ME3: variants seen among roughly 807,000 people sequenced by gnomAD.
The protein encoded by ME3 is NADP-dependent malic enzyme, mitochondrial.
A neutral mutation model predicts 68.9 loss-of-function variants in ME3; 48 were observed. That is an observed-to-expected ratio of 0.70 (90% CI 0.55 to 0.89). ME3 has a LOEUF of 0.89. ME3 is among the 40% of genes least tolerant of loss of function. ME3 has a pLI of 0.00. For missense variants in ME3, 675 were observed against 797.4 expected (o/e 0.85, Z 1.85); for synonymous variants, 320 against 318.8 (o/e 1.00, Z -0.04).
intron 2 of ME3, among the ~76,000 whole-genome samples, chr11:86,661,093 T>C (rs539805): frequency 0.19 from 29,558 of 152,178 alleles, 3,004 homozygotes; most frequent in African/African-American, 0.25. Context: ...CAGGAAGGCA[T>C]TGCATGCTGG....
At chr11:86,485,185 G>C (rs1399406080) in intron 7 of ME3, among the ~76,000 whole-genome samples, 1 of 152,104 alleles carries the variant, frequency 6.6e-6, no homozygotes, top group Non-Finnish European at 1.5e-5. Flanking sequence ...ATACAAACAA[G>C]TCCAATTCTC....
intron 2 of ME3, among the ~76,000 whole-genome samples, chr11:86,655,794 C>G (rs11234730): frequency 0.45 from 67,704 of 151,096 alleles, 17,142 homozygotes; most frequent in Non-Finnish European, 0.58. Context: ...AAGAAACTAC[C>G]ATCAGAGTGA....
intron 2 of ME3, among the ~76,000 whole-genome samples, chr11:86,560,766 A>G (rs1038313393): frequency 1.4e-5 from 2 of 140,504 alleles, no homozygotes; most frequent in East Asian, 2.3e-4. Context: ...ATATATATAT[A>G]TATATATTTC....
chr11:86,587,427 T>C (rs1213868863), intron 2 of ME3, among the ~76,000 whole-genome samples: 1 of 152,188 alleles, frequency 6.6e-6, no homozygotes, highest in Non-Finnish European at 1.5e-5. Flanking sequence ...CAAGATGTGA[T>C]TGTCACTGTT....
chr11:86,638,457 C>G (rs769519466), intron 2 of ME3, among the ~76,000 whole-genome samples: 1 of 152,090 alleles, frequency 6.6e-6, no homozygotes, highest in Non-Finnish European at 1.5e-5. Context: ...CCACAGCACA[C>G]AAATAAATAA....
intron 5 of ME3, among the ~76,000 whole-genome samples, chr11:86,505,619 C>G (rs1372780579): frequency 6.6e-6 from 1 of 152,196 alleles, no homozygotes; most frequent in Admixed American, 6.5e-5. Flanking sequence ...GCTACAGCTG[C>G]CTCCACCACC....
At chr11:86,517,544 T>C (rs544530364) in intron 4 of ME3, among the ~76,000 whole-genome samples, 1 of 152,236 alleles carries the variant, frequency 6.6e-6, no homozygotes, top group African/African-American at 2.4e-5. Flanking sequence ...CCTGTCGACA[T>C]GTTGGAGCTC....
At chr11:86,474,190 C>T (rs977949580) in intron 7 of ME3, among the ~76,000 whole-genome samples, 2 of 152,114 alleles carry the variant, frequency 1.3e-5, no homozygotes, top group African/African-American at 4.8e-5. Context: ...CTGGCAGGCT[C>T]CTGAGACTGG....
chr11:86,456,860 G>C (rs947202658), intron 8 of ME3, among the ~76,000 whole-genome samples: 1 of 152,180 alleles, frequency 6.6e-6, no homozygotes, highest in African/African-American at 2.4e-5. Flanking sequence ...CACAGGATTT[G>C]CTCAATTAAT....
chr11:86,592,605 T>C (rs906340955), intron 2 of ME3, among the ~76,000 whole-genome samples: 29 of 152,156 alleles, frequency 1.9e-4, no homozygotes, highest in African/African-American at 6.8e-4. Context: ...AAGGTTTTCA[T>C]AGACAATTGC....
chr11:86,611,816 T>C (rs1425146700), intron 2 of ME3, among the ~76,000 whole-genome samples: 1 of 152,148 alleles, frequency 6.6e-6, no homozygotes, highest in Non-Finnish European at 1.5e-5. Context: ...GGGGTATTAA[T>C]AGCTACCATC....
chr11:86,581,474 A>G (rs560001530), intron 2 of ME3, among the ~76,000 whole-genome samples: 3 of 152,314 alleles, frequency 2.0e-5, no homozygotes, highest in Non-Finnish European at 4.4e-5. Flanking sequence ...ATAACTCATA[A>G]TGTGTGTAAA....
chr11:86,465,921 A>G (rs1950455243), intron 7 of ME3, among the ~76,000 whole-genome samples: 1 of 152,170 alleles, frequency 6.6e-6, no homozygotes, highest in Non-Finnish European at 1.5e-5. Context: ...CATTTTGAAC[A>G]AGCACCCCAG....
At chr11:86,500,718 C>T (rs1480011208) in intron 5 of ME3, among the ~76,000 whole-genome samples, 2 of 152,206 alleles carry the variant, frequency 1.3e-5, no homozygotes, top group African/African-American at 4.8e-5. Flanking sequence ...CTGTGCTGGC[C>T]TTCTCATTCT....
rs558697689 is a variant in ME3 at position 86,487,546 on chromosome 11, G to A, written c.706-106C>T. 6.3e-4 allele frequency: 550 copies of A among 870,562 alleles called. 7 individuals are homozygous for A. In the African/African-American group the frequency reaches 8.5e-3, roughly 14 times the overall value. 53.9% of individuals were successfully genotyped at this position (870,562 alleles called of 1,614,324 possible). ...TAGGAAGAACCAGAAGGTGGGAGGA[G>A]AGGGGGGAGTAAGAAGGTAACTGGA... On this transcript the variant is annotated intron_variant, in intron 6 of 14. Transcript: ENST00000543262.
intron 2 of ME3, among the ~76,000 whole-genome samples, chr11:86,646,037 C>A (rs933712076): frequency 1.3e-5 from 2 of 152,126 alleles, no homozygotes; most frequent in African/African-American, 4.8e-5. Context: ...GCTCAAAAAC[C>A]CCATCTGAAG....
At chr11:86,523,843 A>G (rs1006755200) in intron 4 of ME3, among the ~76,000 whole-genome samples, 2 of 152,166 alleles carry the variant, frequency 1.3e-5, no homozygotes, top group Non-Finnish European at 2.9e-5. Context: ...TGAAATTGAC[A>G]CCTCTGTCCA....
chr11:86,460,466 G>A (rs1177033134), intron 8 of ME3, among the ~76,000 whole-genome samples: 1 of 152,174 alleles, frequency 6.6e-6, no homozygotes, highest in East Asian at 1.9e-4. Context: ...CAGTAGAGTG[G>A]GGCTCCCGAG....
At chr11:86,626,359 T>C (rs1943663435) in intron 2 of ME3, among the ~76,000 whole-genome samples, 1 of 152,202 alleles carries the variant, frequency 6.6e-6, no homozygotes, top group African/African-American at 2.4e-5. Context: ...CTTCTTCACC[T>C]GGGCAGCAGC....
Sources: allele counts gnomAD v4.1 joint callset (sites outside exome capture counted in the v4.1 genomes callset), GRCh38; gene constraint gnomAD v4.1.1; transcripts MANE v1.5; gene names NCBI Gene and HGNC (gene_info 2026-07-23, HGNC 2026-07-21).